Variants in NRG3 observed in about 807,000 individuals in gnomAD.
NRG3 encodes the protein pro-neuregulin-3, membrane-bound isoform.
Under a neutral mutation model 66.9 loss-of-function variants are expected in NRG3, and 31 were observed. The observed-to-expected ratio is 0.46, with a 90% CI of 0.35 to 0.63. NRG3 has a LOEUF of 0.63. Ranked by LOEUF, NRG3 falls within the 20% of genes least tolerant of loss-of-function variation. The probability of loss-of-function intolerance (pLI) is 0.00; values close to 1 mark genes in which losing one functional copy is unlikely to be tolerated. For missense variants in NRG3, 910 were observed against 878.9 expected, an observed-to-expected ratio of 1.04 and a Z score of -0.45; for synonymous variants, 393 against 359.4, an observed-to-expected ratio of 1.09 and a Z score of -1.06.
intron 1 of NRG3, among the ~76,000 whole-genome samples, chr10:82,237,535 T>G (rs904968032): frequency 6.6e-6 from 1 of 152,138 alleles, no homozygotes; most frequent in Admixed American, 6.5e-5. Context: ...CTTCATTCAT[T>G]CATTCATTCA....
intron 2 of NRG3, among the ~76,000 whole-genome samples, chr10:82,388,070 G>T (rs1181863713): frequency 6.6e-6 from 1 of 152,082 alleles, no homozygotes; most frequent in East Asian, 1.9e-4. Flanking sequence ...TCATTTCTAA[G>T]ATTAGATCTT....
intron 1 of NRG3, among the ~76,000 whole-genome samples, chr10:82,198,460 G>A (rs543388527): frequency 3.3e-5 from 5 of 152,254 alleles, no homozygotes; most frequent in African/African-American, 1.2e-4. Flanking sequence ...ACTACCCGGT[G>A]CTGACTATTT....
chr10:82,469,462 A>AGTGGTG (rs918939917), intron 2 of NRG3, among the ~76,000 whole-genome samples: 3 of 150,626 alleles, frequency 2.0e-5, no homozygotes, highest in Non-Finnish European at 2.9e-5. Flanking sequence ...GATGCCTCTT[A>AGTGGTG]GTGGTGGTGG....
rs530998796 is a variant in NRG3, at chr10:82,106,273, G to A, written c.823+230110G>A. ...CAGCTGTGGAAAGGGTTAGGCTCAA[G>A]CTGTGAAACCAGGAGTTCCTCCACC... On this transcript the variant is annotated intron_variant, in intron 1 of 8. Transcript: ENST00000372141. 1.8e-4 allele frequency among the ~76,000 whole-genome samples: 28 copies of A among 152,286 alleles called. No homozygotes were observed. The South Asian group carries it at 2.3e-3, about 12-fold the overall frequency.
At chr10:82,208,844 A>C (rs569219850) in intron 1 of NRG3, among the ~76,000 whole-genome samples, 1 of 152,288 alleles carries the variant, frequency 6.6e-6, no homozygotes, top group Non-Finnish European at 1.5e-5. Context: ...ATATAAAGTT[A>C]TCCAGAATTG....
At chr10:82,401,040 C>T (rs921083328) in intron 2 of NRG3, among the ~76,000 whole-genome samples, 1 of 152,128 alleles carries the variant, frequency 6.6e-6, no homozygotes, top group Non-Finnish European at 1.5e-5. Flanking sequence ...GTACTAATGG[C>T]AACACACTCT....
intron 1 of NRG3, among the ~76,000 whole-genome samples, chr10:82,344,206 C>T (rs999214900): frequency 6.7e-6 from 1 of 148,910 alleles, no homozygotes; most frequent in Non-Finnish European, 1.5e-5. Context: ...AATGCTATCC[C>T]TCCCCGCTCC....
chr10:81,970,636 G>A (rs1340806456), intron 1 of NRG3, among the ~76,000 whole-genome samples: 1 of 151,896 alleles, frequency 6.6e-6, no homozygotes, highest in Non-Finnish European at 1.5e-5. Context: ...GCATGGAGAA[G>A]CCAGAAATAT....
At chr10:81,980,415 A>C (rs932493458) in intron 1 of NRG3, among the ~76,000 whole-genome samples, 1 of 152,216 alleles carries the variant, frequency 6.6e-6, no homozygotes, top group Admixed American at 6.5e-5. Context: ...AGATAATAAG[A>C]GTAAAAGTAA....
At chr10:82,078,601 T>C (rs1389346293) in intron 1 of NRG3, among the ~76,000 whole-genome samples, 5 of 152,162 alleles carry the variant, frequency 3.3e-5, no homozygotes, top group African/African-American at 1.2e-4. Context: ...CCGACCGCCT[T>C]GGCCTCCCAA....
chr10:82,941,652 C>T (rs1185600660), intron 4 of NRG3, among the ~76,000 whole-genome samples: 1 of 152,162 alleles, frequency 6.6e-6, no homozygotes, highest in African/African-American at 2.4e-5. Flanking sequence ...CTGACCTACA[C>T]AGATGATGAG....
At chr10:82,397,311 A>G (rs1336005880) in intron 2 of NRG3, among the ~76,000 whole-genome samples, 14 of 152,186 alleles carry the variant, frequency 9.2e-5, no homozygotes, top group Non-Finnish European at 1.5e-5. Context: ...CTCATCGGGA[A>G]GAAAAAGGTG....
At chr10:82,620,125 C>T (rs1055005148) in intron 2 of NRG3, among the ~76,000 whole-genome samples, 4 of 152,116 alleles carry the variant, frequency 2.6e-5, no homozygotes, top group Non-Finnish European at 5.9e-5. Context: ...TGCCTGCGGC[C>T]CCCAAAGCCC....
chr10:82,633,471 A>G (rs2049981835), intron 2 of NRG3, among the ~76,000 whole-genome samples: 1 of 152,144 alleles, frequency 6.6e-6, no homozygotes, highest in Non-Finnish European at 1.5e-5. Flanking sequence ...GTTCCAATAG[A>G]GTTGGGAGGG....
At chr10:82,549,095 G>C (rs2044131930) in intron 2 of NRG3, among the ~76,000 whole-genome samples, 2 of 152,118 alleles carry the variant, frequency 1.3e-5, no homozygotes, top group Admixed American at 6.5e-5. Flanking sequence ...ACAAGTTGTA[G>C]ATGAGTACAA....
chr10:82,649,628 A>G (rs1320490281), intron 2 of NRG3, among the ~76,000 whole-genome samples: 1 of 151,688 alleles, frequency 6.6e-6, no homozygotes, highest in Non-Finnish European at 1.5e-5. Flanking sequence ...TAATTTTTGT[A>G]TTTTTAATAG....
chr10:82,521,921 C>T (rs1257732340), intron 2 of NRG3, among the ~76,000 whole-genome samples: 1 of 152,090 alleles, frequency 6.6e-6, no homozygotes, highest in East Asian at 1.9e-4. Flanking sequence ...TGCAACTCCT[C>T]ATCTGTTCAA....
intron 2 of NRG3, among the ~76,000 whole-genome samples, chr10:82,599,080 T>C (rs1385998470): frequency 6.6e-6 from 1 of 151,646 alleles, no homozygotes; most frequent in Admixed American, 6.6e-5. Context: ...AAGAAAATGA[T>C]GAGAAGAAGA....
At chr10:82,185,006 A>T (rs2073708640) in intron 1 of NRG3, among the ~76,000 whole-genome samples, 1 of 152,178 alleles carries the variant, frequency 6.6e-6, no homozygotes, top group Non-Finnish European at 1.5e-5. Context: ...GTGCAAGTAA[A>T]AGGCAACTAC....
Sources: gnomAD v4.1 joint callset for allele counts (sites outside exome capture counted in the v4.1 genomes callset) on GRCh38, gnomAD v4.1.1 for gene constraint, MANE v1.5 for transcripts, NCBI Gene and HGNC (gene_info 2026-07-23, HGNC 2026-07-21) for gene names.